The following PRIM2 variants were observed in gnomAD, a reference collection of about 807,000 sequenced individuals.
PRIM2 encodes the protein DNA primase subunit 2.
Under a neutral mutation model 67.3 loss-of-function variants are expected in PRIM2, and 39 were observed. The observed-to-expected ratio is 0.58, with a 90% confidence interval of 0.45 to 0.76. PRIM2 has a LOEUF of 0.76. PRIM2 is among the 30% of genes least tolerant of loss of function. PRIM2 has a pLI of 0.00. For missense variants in PRIM2, 398 were observed against 598.7 expected, an observed-to-expected ratio of 0.66 and a Z score of 3.50; for synonymous variants, 143 against 198.7, an observed-to-expected ratio of 0.72 and a Z score of 2.36.
chr6:57,441,030 G>T (rs1408845354), intron 7 of PRIM2, among the ~76,000 whole-genome samples: 1 of 152,058 alleles, frequency 6.6e-6, no homozygotes, highest in Non-Finnish European at 1.5e-5. Flanking sequence ...TGAACTATAG[G>T]TTACTATTTA....
chr6:57,281,647 C>G, the PRIM2 span, among the ~76,000 whole-genome samples: 50 of 152,252 alleles, frequency 3.3e-4, no homozygotes, highest in African/African-American at 1.1e-3. Flanking sequence ...AGTCACAGTG[C>G]ATTACCCTGG....
chr6:57,412,970 C>T (rs1218750088), intron 7 of PRIM2, among the ~76,000 whole-genome samples: 3 of 152,118 alleles, frequency 2.0e-5, no homozygotes, highest in Non-Finnish European at 4.4e-5. Flanking sequence ...TCGAAATGTA[C>T]TAACACTTCA....
intron 5 of PRIM2, among the ~76,000 whole-genome samples, chr6:57,362,608 T>C (rs1769238344): frequency 6.6e-6 from 1 of 152,116 alleles, no homozygotes; most frequent in Non-Finnish European, 1.5e-5. Flanking sequence ...GATTTAGAAA[T>C]GTAGAACCAA....
chr6:57,338,704 T>A (rs1768360988), intron 5 of PRIM2, among the ~76,000 whole-genome samples: 1 of 143,636 alleles, frequency 7.0e-6, no homozygotes. Context: ...GGGACGTATT[T>A]CAAAATAATA....
At chr6:57,549,759 C>T (rs1414043470) in intron 10 of PRIM2, among the ~76,000 whole-genome samples, 2 of 152,044 alleles carry the variant, frequency 1.3e-5, no homozygotes, top group Non-Finnish European at 2.9e-5. Flanking sequence ...TTTGAATGTT[C>T]GTGTTAGTGA....
At chr6:57,341,573 T>G (rs997386003) in intron 5 of PRIM2, among the ~76,000 whole-genome samples, 2 of 152,206 alleles carry the variant, frequency 1.3e-5, no homozygotes, top group African/African-American at 4.8e-5. Flanking sequence ...CTGTAAGCTC[T>G]TTCCATTTCA....
chr6:57,467,353 GT>G (rs1773229287), intron 7 of PRIM2, among the ~76,000 whole-genome samples: 1 of 151,906 alleles, frequency 6.6e-6, no homozygotes, highest in Non-Finnish European at 1.5e-5. Context: ...TGGCTGGCTA[GT>G]TTTTTCAACA....
At chr6:57,494,011 A>G (rs1352365143) in intron 7 of PRIM2, 1 of 152,234 alleles carries the variant, frequency 6.6e-6, no homozygotes, top group African/African-American at 2.4e-5. Flanking sequence ...TGTATGTCCA[A>G]GGTCACTTAA....
At chr6:57,259,395 T>C in the PRIM2 span, among the ~76,000 whole-genome samples, 1 of 152,176 alleles carries the variant, frequency 6.6e-6, no homozygotes, top group African/African-American at 2.4e-5. Flanking sequence ...ATTGGAAATA[T>C]GCAAGGTCTC....
chr6:57,366,400 T>C (rs1223235564), intron 5 of PRIM2, among the ~76,000 whole-genome samples: 2 of 152,168 alleles, frequency 1.3e-5, no homozygotes, highest in East Asian at 3.9e-4. Flanking sequence ...ACAAAGAGCC[T>C]GTGTAGTGGG....
chr6:57,398,152 G>A (rs1489212167), intron 7 of PRIM2, among the ~76,000 whole-genome samples: 2 of 151,886 alleles, frequency 1.3e-5, no homozygotes, highest in Non-Finnish European at 2.9e-5. Flanking sequence ...TAGAGGTGGG[G>A]TTTCACCGTG....
intron 7 of PRIM2, among the ~76,000 whole-genome samples, chr6:57,402,227 A>G (rs2127356536): frequency 6.6e-6 from 1 of 152,302 alleles, no homozygotes; most frequent in East Asian, 1.9e-4. Flanking sequence ...AACAGCAAAG[A>G]TGGTAGTCTG....
chr6:57,642,498 A>C (rs1237139883), intron 13 of PRIM2, among the ~76,000 whole-genome samples: 3 of 116,036 alleles, frequency 2.6e-5, no homozygotes, highest in African/African-American at 6.9e-5. Flanking sequence ...GCTGGAGTGC[A>C]GTGGCGCGAT....
chr6:57,317,282 C>T (rs1767509012), upstream of PRIM2, among the ~76,000 whole-genome samples: 1 of 152,150 alleles, frequency 6.6e-6, no homozygotes, highest in South Asian at 2.1e-4. Flanking sequence ...GGTTAAAGCG[C>T]CATATTTTCC....
intron 5 of PRIM2, among the ~76,000 whole-genome samples, chr6:57,342,822 A>G (rs1404223723): frequency 6.6e-6 from 1 of 152,232 alleles, no homozygotes; most frequent in Non-Finnish European, 1.5e-5. Flanking sequence ...TGCCTCACTA[A>G]AAACAAGTAC....
chr6:57,537,657 C>T (rs1775028378), intron 10 of PRIM2, 32 bp downstream of exon 10: 8 of 1,299,756 alleles, frequency 6.2e-6, no homozygotes, highest in Middle Eastern at 2.0e-4. Flanking sequence ...AGAGTGGTAC[C>T]TGATATTTTA....
chr6:57,256,856 T>TA, the PRIM2 span, among the ~76,000 whole-genome samples: 6 of 152,228 alleles, frequency 3.9e-5, no homozygotes, highest in Non-Finnish European at 8.8e-5. Context: ...TTCATCTATC[T>TA]AACTGATGTG....
chr6:57,633,646 TG>T (rs1477334427), intron 13 of PRIM2, among the ~76,000 whole-genome samples: 2 of 152,184 alleles, frequency 1.3e-5, no homozygotes, highest in Non-Finnish European at 2.9e-5. Flanking sequence ...ACCAGTTTCA[TG>T]GAAGACAATT....
chr6:57,636,257 CCAAA>C (rs1326473757), intron 13 of PRIM2, among the ~76,000 whole-genome samples: 1 of 152,134 alleles, frequency 6.6e-6, no homozygotes, highest in Non-Finnish European at 1.5e-5. Flanking sequence ...CTTAATATTT[CCAAA>C]CAGAGTAAAG....
Sources: allele counts gnomAD v4.1 joint callset (sites outside exome capture counted in the v4.1 genomes callset), GRCh38; gene constraint gnomAD v4.1.1; transcripts MANE v1.5; gene names NCBI Gene and HGNC (gene_info 2026-07-23, HGNC 2026-07-21).